VPS50: variants seen among roughly 807,000 people sequenced by gnomAD.
VPS50 encodes VPS50 subunit of EARP/GARPII complex.
A neutral mutation model predicts 139.7 loss-of-function variants in VPS50; 70 were observed. The observed-to-expected ratio is 0.50, with a 90% CI of 0.41 to 0.61. The LOEUF (loss-of-function observed/expected upper bound fraction) is 0.61, where lower values mean the gene tolerates loss of function less well. Ranked by LOEUF, VPS50 falls within the 20% of genes least tolerant of loss-of-function variation. The pLI, the probability that VPS50 is intolerant of heterozygous loss-of-function variation, is 0.00. For synonymous variants in VPS50, 365 were observed against 376.7 expected, an observed-to-expected ratio of 0.97 and a Z score of 0.36; for missense variants, 921 against 1,133.7, an observed-to-expected ratio of 0.81 and a Z score of 2.69.
intron 22 of VPS50, among the ~76,000 whole-genome samples, chr7:93,338,594 A>G (rs1173065542): frequency 6.6e-6 from 1 of 152,116 alleles, no homozygotes; most frequent in Non-Finnish European, 1.5e-5. Context: ...AGCCAAACAA[A>G]ACTCCCTACC....
intron 21 of VPS50, among the ~76,000 whole-genome samples, chr7:93,329,074 T>C (rs1797863994): frequency 6.6e-6 from 1 of 152,222 alleles, no homozygotes; most frequent in Non-Finnish European, 1.5e-5. Context: ...ATGAAATTGG[T>C]GATGTAATCC....
chr7:93,242,134 C>G (rs749075097), intron 2 of VPS50, among the ~76,000 whole-genome samples: 9 of 151,740 alleles, frequency 5.9e-5, no homozygotes, highest in Non-Finnish European at 4.4e-5. Context: ...ACATTGCCTA[C>G]TGGTCTTTTC....
intron 2 of VPS50, 106 bp downstream of exon 2, chr7:93,240,040 G>A: frequency 1.4e-6 from 1 of 715,738 alleles, no homozygotes; most frequent in Non-Finnish European, 2.5e-6. Context: ...ACAGGCAGAT[G>A]GTTGTTAAGA....
intron 17 of VPS50, among the ~76,000 whole-genome samples, chr7:93,305,012 A>C (rs1273702501): frequency 6.6e-6 from 1 of 151,956 alleles, no homozygotes; most frequent in Non-Finnish European, 1.5e-5. Context: ...ACCTTTGAAG[A>C]ATATCATTGA....
At chr7:93,307,196 G>A (rs969502668) in intron 18 of VPS50, among the ~76,000 whole-genome samples, 1 of 151,784 alleles carries the variant, frequency 6.6e-6, no homozygotes, top group Non-Finnish European at 1.5e-5. Context: ...CTCGGGTTAC[G>A]ACATGTTTAT....
At chr7:93,340,377 C>A (rs562552712) in intron 22 of VPS50, among the ~76,000 whole-genome samples, 2 of 152,158 alleles carry the variant, frequency 1.3e-5, no homozygotes, top group African/African-American at 4.8e-5. Context: ...TCAGCTACTC[C>A]GAGTAGCCAG....
intron 25 of VPS50, among the ~76,000 whole-genome samples, chr7:93,351,546 G>A (rs1476716581): frequency 1.3e-5 from 2 of 152,228 alleles, no homozygotes; most frequent in East Asian, 3.9e-4. Context: ...GGCAGATTTG[G>A]TGTCTAGTGA....
At chr7:93,332,863 A>C (rs1797975302) in intron 21 of VPS50, among the ~76,000 whole-genome samples, 1 of 152,246 alleles carries the variant, frequency 6.6e-6, no homozygotes, top group Admixed American at 6.5e-5. Flanking sequence ...AAACACATCA[A>C]ACACAAAAGA....
chr7:93,281,030 C>G (rs1448274556), intron 12 of VPS50, among the ~76,000 whole-genome samples: 5 of 151,844 alleles, frequency 3.3e-5, no homozygotes, highest in Non-Finnish European at 7.4e-5. Flanking sequence ...GGAGGTGTTT[C>G]CTTAGTAATT....
intron 25 of VPS50, 79 bp from the exon 26 acceptor site, chr7:93,353,557 CTTTT>C: frequency 1.4e-6 from 2 of 1,440,964 alleles, no homozygotes; most frequent in Non-Finnish European, 1.9e-6. Flanking sequence ...CTTTCTAAAT[CTTTT>C]TTATTTAAAC....
chr7:93,232,984 G>A (rs1794682566), intron 1 of VPS50, among the ~76,000 whole-genome samples: 1 of 152,182 alleles, frequency 6.6e-6, no homozygotes, highest in South Asian at 2.1e-4. Context: ...TTCTGGATGT[G>A]AAAATAATTA....
chr7:93,325,905 T>C (rs919822909), intron 21 of VPS50, among the ~76,000 whole-genome samples: 13 of 151,222 alleles, frequency 8.6e-5, no homozygotes, highest in Non-Finnish European at 1.9e-4. Context: ...CTCAGGGATC[T>C]AGAACTAGAA....
At chr7:93,261,425 C>T (rs977928090) in intron 9 of VPS50, among the ~76,000 whole-genome samples, 1 of 152,092 alleles carries the variant, frequency 6.6e-6, no homozygotes, top group African/African-American at 2.4e-5. Flanking sequence ...CGCTTGTAAT[C>T]CCAGCACATT....
chr7:93,277,360 G>A (rs575031334), intron 12 of VPS50, among the ~76,000 whole-genome samples: 1 of 152,298 alleles, frequency 6.6e-6, no homozygotes, highest in African/African-American at 2.4e-5. Flanking sequence ...GCCTAAGAAT[G>A]CGCTATGTCT....
chr7:93,330,503 C>T (rs903892845), intron 21 of VPS50, among the ~76,000 whole-genome samples: 5 of 152,030 alleles, frequency 3.3e-5, no homozygotes, highest in Non-Finnish European at 7.4e-5. Context: ...CTTGTAATCC[C>T]AGCACTTTGG....
rs563594162 is a variant in VPS50 at position 93,360,321 on chromosome 7, T to C, written c.*1885T>C. ...TCTTGTTAGAGACTCGACCATGCAA[T>C]CTGACAGACCTTTTAACCTACCCTT... On this transcript the variant is annotated 3_prime_UTR_variant, in exon 28 of 28. Coordinates refer to ENST00000305866, the MANE Select transcript of VPS50 (RefSeq NM_017667.4). 1.3e-5 allele frequency: 2 copies of C among 152,044 alleles called. No homozygotes were observed. The highest frequency in any genetic ancestry group is 2.1e-4 in the South Asian group (1 of 4,816). The allele number at this position is 152,044 out of a possible 1,614,324, so 9.4% of individuals were successfully genotyped here.
In VPS50 at chr7:93,284,540, T is replaced by C. The variant is rs115366022; in HGVS notation, c.943-7163T>C. Among the ~76,000 whole-genome samples the C allele has an allele frequency of 4.2e-3, 639 of 150,810 alleles. 4 individuals carry two copies. Among genetic ancestry groups the C allele is most frequent in the African/African-American group, 0.015 (605 of 40,148 alleles). On this transcript the variant is annotated intron_variant, in intron 12 of 27. Coordinates refer to ENST00000305866, the MANE Select transcript of VPS50 (RefSeq NM_017667.4). ...TTTATATCATACATATTACATGTCT[T>C]ATGTGTATATACATATTTAGCATTA...
At chr7:93,284,374 A>G (rs1584426129) in intron 12 of VPS50, among the ~76,000 whole-genome samples, 2 of 152,222 alleles carry the variant, frequency 1.3e-5, no homozygotes, top group African/African-American at 4.8e-5. Flanking sequence ...CTGATTATAC[A>G]TACTTTGCTT....
chr7:93,283,798 T>C (rs774241656), intron 12 of VPS50, among the ~76,000 whole-genome samples: 9 of 152,116 alleles, frequency 5.9e-5, no homozygotes, highest in African/African-American at 1.2e-4. Flanking sequence ...AAAGGAAATA[T>C]CATGAGCAAT....
Sources: allele counts gnomAD v4.1 joint callset (sites outside exome capture counted in the v4.1 genomes callset), GRCh38; gene constraint gnomAD v4.1.1; transcripts MANE v1.5; gene names NCBI Gene and HGNC (gene_info 2026-07-23, HGNC 2026-07-21).